LRRN4: variants seen among roughly 807,000 people sequenced by gnomAD.
LRRN4 encodes leucine rich repeat neuronal 4.
Under a neutral mutation model 22.3 loss-of-function variants are expected in LRRN4, and 26 were observed. The observed-to-expected ratio is 1.16, with a 90% confidence interval of 0.85 to 1.62. The LOEUF (loss-of-function observed/expected upper bound fraction) is 1.62. Among genes scored for constraint, LRRN4 ranks in the 40% most tolerant of loss-of-function variants. The pLI is 0.00. For synonymous variants in LRRN4, 496 were observed against 486.2 expected, an observed-to-expected ratio of 1.02 and a Z score of -0.26; for missense variants, 1,070 against 1,008.5, an observed-to-expected ratio of 1.06 and a Z score of -0.83.
At position 6,052,703 on chromosome 20, in the gene LRRN4, G is replaced by T. The variant is rs1397991416; in HGVS notation, c.97C>A (p.Gln33Lys). The T allele has an allele frequency of 6.4e-7, 1 of 1,571,496 alleles. No individual in the cohort carries two copies. Among genetic ancestry groups the T allele is most frequent in the East Asian group, 2.3e-5 (1 of 43,528 alleles). ...CTGCCACTGCTCCCCCAGGGGCCCT[G>T]CTGAGTGACCCGGAAGAGCGGGACC... Reference protein sequence around the residue: ...EKVPLFRVTQQGPWGSSGSNA... With the variant: ...EKVPLFRVTQKGPWGSSGSNA... Residue 33 changes from glutamine (Q) to lysine (K), a missense_variant, in exon 2 of 5, where the codon CAG becomes AAG. Transcript: ENST00000378858.
Position 6,041,086 on chromosome 20 carries a change from T to G in LRRN4, c.2159A>C (p.His720Pro). 1 of 1,613,748 alleles carries G rather than the reference T, an allele frequency of 6.2e-7. No homozygotes were observed. Among genetic ancestry groups the G allele is most frequent in the Non-Finnish European group, 8.5e-7 (1 of 1,179,922 alleles). ...GGCCGGGTTTTTGTAGGCCACCAGG[T>G]GCGTGTCGCAGCGCTGCAGGCCCAG... ...QTLGLQRCDTHLVAYKNPAFD... is the reference protein window; with the variant it reads ...QTLGLQRCDTPLVAYKNPAFD... The change falls in exon 5 of 5, where the codon CAC becomes CCC. Residue 720 changes from histidine (H) to proline (P), a missense_variant. By Grantham distance (77) the His-to-Pro change is moderately conservative. Transcript: ENST00000378858. The surrounding 1 kb of genome is among the most constrained non-coding windows in gnomAD (Gnocchi z 9.4).
Position 6,041,129 on chromosome 20 carries a change from A to G in LRRN4, c.2116T>C (p.Cys706Arg), listed in dbSNP as rs2123048803. 2 of 1,611,398 alleles carry G rather than the reference A, an allele frequency of 1.2e-6. No individual in the cohort carries two copies. Among genetic ancestry groups the G allele is most frequent in the Non-Finnish European group, 1.7e-6 (2 of 1,178,940 alleles). The change falls in exon 5 of 5, where the codon TGC becomes CGC. Residue 706 changes from cysteine (C) to arginine (R), a missense_variant. Coordinates refer to ENST00000378858, the MANE Select transcript of LRRN4 (RefSeq NM_152611.5). The surrounding 1 kb of genome is among the most constrained non-coding windows in gnomAD (Gnocchi z 9.4). The part of the protein sequence containing the change: ...ASTVVLSACL[C>R]RRGQTLGLQR... ...AGGCCCAGCGTCTGGCCCCGCCTGC[A>G]GAGACATGCGGACAGCACCACGGTG...
chr20:6,052,850 C>G (rs763742039), intron 1 of LRRN4, 46 bp from the exon 2 acceptor site: 1 of 1,498,926 alleles, frequency 6.7e-7, no homozygotes, highest in Non-Finnish European at 8.9e-7. Flanking sequence ...CAGGAACCCC[C>G]GCACAAAGAG....
At position 6,042,250 on chromosome 20, in the gene LRRN4, G is replaced by C. The variant is rs763806187; in HGVS notation, c.999-4C>G. ...CGCGCACATAGTGTCTGCTGCCCTG[G>C]AGGGGAGGCCAACCAGTTAGAAGAC... On this transcript the variant is annotated splice_region_variant and splice_polypyrimidine_tract_variant and intron_variant, in intron 4 of 4. Transcript: ENST00000378858. The C allele has an allele frequency of 1.9e-6, 3 of 1,602,784 alleles. No individual in the cohort carries two copies. In the African/African-American group the frequency reaches 4.0e-5, roughly 21 times the overall value.
In LRRN4 at chr20:6,052,484, G is replaced by C. The variant is rs1981282091; in HGVS notation, c.316C>G (p.Leu106Val). The change falls in exon 2 of 5, where the codon CTG becomes GTG. Residue 106 changes from leucine (L) to valine (V), a missense_variant. Transcript: ENST00000378858. ...AGCGCGGCGATGCGGTTGTGGCGCA[G>C]GGTCAGCACCTGCAGCTGCTCCAGG... ...GHLEQLQVLT[L>V]RHNRIAALRW... is the part of the protein sequence containing the mutation. The C allele has an allele frequency of 6.4e-7, 1 of 1,573,442 alleles. No homozygotes were observed. Among genetic ancestry groups the C allele is most frequent in the African/African-American group, 1.3e-5 (1 of 74,210 alleles).
At chr20:6,049,695 G>A (rs889288460) in intron 3 of LRRN4, among the ~76,000 whole-genome samples, 1 of 152,068 alleles carries the variant, frequency 6.6e-6, no homozygotes, top group South Asian at 2.1e-4. Context: ...TAGAGATGGG[G>A]TTTCACCATG....
At chr20:6,042,312 A>G in intron 4 of LRRN4, 66 bp from the exon 5 acceptor site, 1 of 1,507,608 alleles carries the variant, frequency 6.6e-7, no homozygotes, top group Non-Finnish European at 8.8e-7. Flanking sequence ...AGAGCTTTGA[A>G]TCCTCATTGC....
chr20:6,042,090 C>G lies in LRRN4; in HGVS notation c.1155G>C (p.Gln385His). 2 of 1,614,146 alleles carry G rather than the reference C, an allele frequency of 1.2e-6. No individual in the cohort carries two copies. The highest frequency in any genetic ancestry group is 1.7e-6 in the Non-Finnish European group (2 of 1,179,992). The change falls in exon 5 of 5, where the codon CAG becomes CAC. Residue 385 changes from glutamine to histidine, a missense_variant. Coordinates refer to ENST00000378858, the MANE Select transcript of LRRN4 (RefSeq NM_152611.5). ...CTGCGCTGGGCGCGACGGTGGTACC[C>G]TGTGCGTAGGTGGAGCGGTTGAAGC... ...PPCFNRSTYA[Q>H]GTTVAPSAAP... is the part of the protein sequence containing the mutation.
rs1271242777 is a variant in LRRN4, at chr20:6,052,386, C to T, written c.414G>A (p.Pro138=). 1.3e-6 allele frequency: 2 copies of T among 1,526,092 alleles called. No homozygotes were observed. The highest frequency in any genetic ancestry group is 2.6e-5 in the East Asian group (1 of 39,152). 94.5% of individuals were successfully genotyped at this position (1,526,092 alleles called of 1,614,324 possible). A position where few individuals can be genotyped will look rare whatever the true frequency, so the allele number is the denominator to read the frequency against. Reference sequence around the variant, plus strand: ...TGCTCAGCGCGGGCCCGGTGCACGGCGGCAGAGCGGCCAGCTGGTTGTAGC... The same window carrying T: ...TGCTCAGCGCGGGCCCGGTGCACGGTGGCAGAGCGGCCAGCTGGTTGTAGC... ...DLSYNQLAAL[P]PCTGPALSSL... The change falls in exon 2 of 5, where the codon CCG becomes CCA. Residue 138 remains proline (P), a synonymous_variant. Coordinates refer to ENST00000378858, the MANE Select transcript of LRRN4 (RefSeq NM_152611.5).
At chr20:6,050,137 T>C (rs1981209300) in intron 3 of LRRN4, among the ~76,000 whole-genome samples, 1 of 152,218 alleles carries the variant, frequency 6.6e-6, no homozygotes, top group Non-Finnish European at 1.5e-5. Context: ...TTTACACAGT[T>C]CTTGGGTTTT....
chr20:6,051,803 A>T (rs1379537698), intron 2 of LRRN4, among the ~76,000 whole-genome samples: 4 of 152,236 alleles, frequency 2.6e-5, no homozygotes, highest in Non-Finnish European at 5.9e-5. Context: ...GCTGGGAAGC[A>T]GAACAGAGTG....
In LRRN4 at chr20:6,046,545, A is replaced by G. The variant is rs139557201; in HGVS notation, c.861-1865T>C. ...ACCTCCCAGATTTTACCTCATTTAC[A>G]TGTACTCAGTGATAATTCATCATGG... On this transcript the variant is annotated intron_variant, in intron 3 of 4. Transcript: ENST00000378858. Among the ~76,000 whole-genome samples, 318 of 148,406 alleles carry G rather than the reference A, an allele frequency of 2.1e-3. 11 individuals carry two copies. The highest frequency in any genetic ancestry group is 7.6e-3 in the African/African-American group (310 of 40,940).
intron 3 of LRRN4, among the ~76,000 whole-genome samples, chr20:6,047,630 C>CA (rs58451358): frequency 0.045 from 6,347 of 141,258 alleles, 289 homozygotes; most frequent in African/African-American, 0.12. Context: ...ACTAAAAATA[C>CA]AAAAAAAAAA....
chr20:6,052,769 T>A lies in LRRN4; in HGVS notation c.31A>T (p.Thr11Ser), dbSNP rs1471758882. The A allele has an allele frequency of 1.9e-6, 3 of 1,575,346 alleles. No homozygotes were observed. The highest frequency in any genetic ancestry group is 2.6e-6 in the Non-Finnish European group (3 of 1,168,402). Residue 11 changes from threonine (T) to serine (S), a missense_variant, in exon 2 of 5, where the codon ACG (threonine) becomes TCG (serine). Coordinates refer to ENST00000378858, the MANE Select transcript of LRRN4 (RefSeq NM_152611.5). ...TCTGCCCAGCTGGGGCGCAGCACCGTCAGCAGCAGCAGCGGTAGGGTTTGC... is the reference window on the plus strand; with the variant it reads ...TCTGCCCAGCTGGGGCGCAGCACCGACAGCAGCAGCAGCGGTAGGGTTTGC... MRQTLPLLLL[T>S]VLRPSWADPP...
intron 3 of LRRN4, among the ~76,000 whole-genome samples, chr20:6,050,327 G>A (rs372211746): frequency 7.2e-5 from 11 of 152,328 alleles, no homozygotes; most frequent in African/African-American, 2.2e-4. Flanking sequence ...TTGTGTAAAA[G>A]AGGACTAACA....
Position 6,052,321 on chromosome 20 carries a change from G to T in LRRN4, c.479C>A (p.Ala160Glu). The change falls in exon 2 of 5, where the codon GCG becomes GAG. Residue 160 changes from alanine (A) to glutamate (E), a missense_variant. Physicochemically the swap from Ala to Glu is moderately radical, Grantham distance 107. Transcript: ENST00000378858. ...GCAGGCGAAGGCCCGGGGCTGCAGC[G>T]CCCGCAGCGGATTCCCGGCGAGCGC... ...ALALAGNPLR[A>E]LQPRAFACFP... The T allele has an allele frequency of 2.0e-6, 3 of 1,514,752 alleles. No homozygotes were observed. The highest frequency in any genetic ancestry group is 8.8e-7 in the Non-Finnish European group (1 of 1,138,060). 93.8% of individuals were successfully genotyped at this position (1,514,752 alleles called of 1,614,324 possible).
intron 3 of LRRN4, 73 bp from the exon 4 acceptor site, chr20:6,044,753 G>T: frequency 7.4e-7 from 1 of 1,358,140 alleles, no homozygotes; most frequent in Non-Finnish European, 9.7e-7. Flanking sequence ...AGAGAGGCAT[G>T]GTGTCAGAAC....
chr20:6,041,420 C>A lies in LRRN4; in HGVS notation c.1825G>T (p.Gly609Trp). ...TCCGCAGAGTAGCGGATCTGGTACC[C>A]ATGCACTACCGAGTTGGGGGCACAC... ...HWCAPNSVVH[G>W]YQIRYSAEGW... The change falls in exon 5 of 5, where the codon GGG becomes TGG. Residue 609 changes from glycine (G) to tryptophan (W), a missense_variant. Coordinates refer to ENST00000378858, the MANE Select transcript of LRRN4 (RefSeq NM_152611.5). The surrounding 1 kb of genome is among the most constrained non-coding windows in gnomAD (Gnocchi z 9.4). 2 of 1,558,810 alleles carry A rather than the reference C, an allele frequency of 1.3e-6. No individual in the cohort carries two copies. The highest frequency in any genetic ancestry group is 1.9e-5 in the Admixed American group (1 of 53,218).
intron 2 of LRRN4, among the ~76,000 whole-genome samples, chr20:6,051,664 A>AAAATC (rs1165632790): frequency 6.6e-6 from 1 of 152,194 alleles, no homozygotes; most frequent in Non-Finnish European, 1.5e-5. Context: ...ACCAGGTAGA[A>AAAATC]AAATCAGTGA....
Sources: allele counts gnomAD v4.1 joint callset (sites outside exome capture counted in the v4.1 genomes callset), GRCh38; gene constraint gnomAD v4.1.1; non-coding constraint Gnocchi (gnomAD v3.1); transcripts MANE v1.5; gene names NCBI Gene and HGNC (gene_info 2026-07-23, HGNC 2026-07-21).